Variants in CERT1 observed in about 807,000 individuals in gnomAD.
CERT1 encodes the protein ceramide transporter 1, also known as ceramide transfer protein.
CERT1 carries 31 observed loss-of-function variants against 87.9 expected under a neutral mutation model. The ratio of observed to expected loss-of-function variants is 0.35; its 90% confidence interval spans 0.27 to 0.48. The LOEUF is 0.48. CERT1 is among the 20% of genes least tolerant of loss of function. The pLI, the probability that CERT1 is intolerant of heterozygous loss-of-function variation, is 0.99. For missense variants in CERT1, 487 were observed against 758.0 expected, an observed-to-expected ratio of 0.64 and a Z score of 4.20; for synonymous variants, 289 against 250.9, an observed-to-expected ratio of 1.15 and a Z score of -1.44.
intron 2 of CERT1, among the ~76,000 whole-genome samples, chr5:75,463,342 A>G (rs570642074): frequency 3.9e-5 from 6 of 152,236 alleles, no homozygotes; most frequent in East Asian, 1.9e-4. Context: ...GGGGCCATAA[A>G]CCATTGTTTT....
intron 9 of CERT1, 126 bp downstream of exon 9, chr5:75,402,844 TCA>T (rs943519130): frequency 3.5e-6 from 2 of 573,194 alleles, no homozygotes; most frequent in African/African-American, 1.9e-5. Context: ...CTCAATGTAT[TCA>T]CAGTTAAGCT....
intron 2 of CERT1, among the ~76,000 whole-genome samples, chr5:75,462,745 A>G (rs776972347): frequency 1.3e-4 from 20 of 152,182 alleles, no homozygotes; most frequent in Non-Finnish European, 2.9e-4. Context: ...CTGTAATCCC[A>G]GCACTTTGGG....
At chr5:75,469,264 GA>G (rs1445384000) in intron 2 of CERT1, among the ~76,000 whole-genome samples, 1 of 151,922 alleles carries the variant, frequency 6.6e-6, no homozygotes, top group Admixed American at 6.6e-5. Context: ...ATATGGTCAG[GA>G]AAAAAAGAAG....
At chr5:75,493,217 A>G (rs1277600803) in intron 2 of CERT1, among the ~76,000 whole-genome samples, 1 of 152,234 alleles carries the variant, frequency 6.6e-6, no homozygotes, top group Admixed American at 6.5e-5. Flanking sequence ...TTTGCCTTCA[A>G]CAATTATTAA....
At chr5:75,438,728 AT>A (rs1764193224) in intron 3 of CERT1, among the ~76,000 whole-genome samples, 2 of 152,122 alleles carry the variant, frequency 1.3e-5, no homozygotes, top group South Asian at 4.1e-4. Flanking sequence ...CCTCATACAA[AT>A]TTTTTGCAAA....
chr5:75,374,577 T>C (rs1761216059), downstream of CERT1: 3 of 707,432 alleles, frequency 4.2e-6, no homozygotes, highest in Admixed American at 3.5e-5. Context: ...CATTAAGAAA[T>C]TCGTCATTTG....
At chr5:75,449,937 A>G (rs1468831876) in intron 3 of CERT1, among the ~76,000 whole-genome samples, 3 of 152,050 alleles carry the variant, frequency 2.0e-5, no homozygotes, top group African/African-American at 4.8e-5. Context: ...TTGACATAAT[A>G]TCTTGTTAAG....
chr5:75,399,227 C>T (rs1330920886), intron 11 of CERT1, 83 bp downstream of exon 11: 4 of 1,066,328 alleles, frequency 3.8e-6, no homozygotes, highest in Non-Finnish European at 5.8e-6. Context: ...AGTGGCCTAA[C>T]CAAAAGATTT....
At chr5:75,447,285 G>A (rs906005262) in intron 3 of CERT1, among the ~76,000 whole-genome samples, 2 of 151,874 alleles carry the variant, frequency 1.3e-5, no homozygotes, top group Non-Finnish European at 2.9e-5. Context: ...GTCTAGGTGG[G>A]GAGACAGATT....
chr5:75,426,552 A>G, intron 3 of CERT1, 74 bp from the exon 4 acceptor site: 1 of 1,053,072 alleles, frequency 9.5e-7, no homozygotes, highest in Non-Finnish European at 1.4e-6. Flanking sequence ...TTTCCTATGA[A>G]TTAACAAGGT....
chr5:75,402,977 C>T lies in CERT1; in HGVS notation c.1012G>A (p.Glu338Lys). The stretch of plus-strand genomic sequence containing the variant: ...ATTTTCAATAATAGATATACCTGTT[C>T]TTCTATTTTATCTTGTCTGTCAAGA... ...AALDRQDKIEEQSQSEKVRLH... is the reference protein window; with the variant it reads ...AALDRQDKIEKQSQSEKVRLH... Residue 338 changes from glutamate (E) to lysine (K), a missense_variant, in exon 9 of 17, where the codon GAA (glutamate) becomes AAA (lysine). Glu to Lys is a moderately conservative substitution (Grantham distance 56). Coordinates refer to ENST00000643780, the MANE Select transcript of CERT1 (RefSeq NM_001379029.1). 1 of 1,598,944 alleles carries T rather than the reference C, an allele frequency of 6.3e-7. No homozygotes were observed. The highest frequency in any genetic ancestry group is 8.6e-7 in the Non-Finnish European group (1 of 1,167,022).
chr5:75,473,799 T>C (rs1041123754), intron 2 of CERT1, among the ~76,000 whole-genome samples: 1 of 152,232 alleles, frequency 6.6e-6, no homozygotes, highest in African/African-American at 2.4e-5. Context: ...CATTTCACAA[T>C]GTATATATAC....
chr5:75,434,538 T>C (rs1764008307), intron 3 of CERT1, among the ~76,000 whole-genome samples: 1 of 152,114 alleles, frequency 6.6e-6, no homozygotes, highest in Non-Finnish European at 1.5e-5. Context: ...TCCTTAATTT[T>C]TTCCGGAATA....
In CERT1 at chr5:75,384,662, T is replaced by C. The variant is rs760315258; in HGVS notation, c.1468A>G (p.Ile490Val). Residue 490 changes from isoleucine (I) to valine (V), a missense_variant, in exon 14 of 17, where the codon ATC becomes GTC. Physicochemically the swap from Ile to Val is conservative, Grantham distance 29 (BLOSUM62 3). This residue lies in a region of CERT1 where 147 missense variants were observed against 200.8 expected (regional missense o/e 0.73). Transcript: ENST00000643780. ...TTTACCTTGTGTGTTTGATAAATGA[T>C]GATTGCATTATCAGCTAATGTTTCC... Reference protein sequence around the residue: ...VVETLADNAIIIYQTHKRVWP... With the variant: ...VVETLADNAIVIYQTHKRVWP... The C allele has an allele frequency of 6.2e-7, 1 of 1,606,154 alleles. No homozygotes were observed. The highest frequency in any genetic ancestry group is 8.5e-7 in the Non-Finnish European group (1 of 1,173,156).
At chr5:75,434,887 G>C (rs1175553878) in intron 3 of CERT1, among the ~76,000 whole-genome samples, 2 of 151,806 alleles carry the variant, frequency 1.3e-5, no homozygotes, top group African/African-American at 4.8e-5. Context: ...TTTTTCATTA[G>C]TAGTCTAGCT....
At chr5:75,431,580 T>G (rs924822401) in intron 3 of CERT1, among the ~76,000 whole-genome samples, 2 of 152,200 alleles carry the variant, frequency 1.3e-5, no homozygotes, top group Non-Finnish European at 2.9e-5. Context: ...AGAGCTAATG[T>G]TGGACATAAA....
intron 3 of CERT1, among the ~76,000 whole-genome samples, chr5:75,447,862 A>C (rs954669215): frequency 6.6e-6 from 1 of 151,640 alleles, no homozygotes; most frequent in East Asian, 1.9e-4. Context: ...TGTAGCCTCA[A>C]ACTCCAGGCT....
chr5:75,411,245 A>AT, intron 7 of CERT1, 142 bp from the exon 8 acceptor site: 1 of 586,976 alleles, frequency 1.7e-6, no homozygotes, highest in Non-Finnish European at 3.0e-6. Flanking sequence ...AAATAAGAGT[A>AT]TTATTCTGCC....
intron 11 of CERT1, among the ~76,000 whole-genome samples, chr5:75,392,333 C>T (rs1017356688): frequency 6.6e-6 from 1 of 152,094 alleles, no homozygotes; most frequent in Admixed American, 6.6e-5. Context: ...AATGGAAAAC[C>T]GGTTTTCAAA....
Sources: gnomAD v4.1 joint callset for allele counts (sites outside exome capture counted in the v4.1 genomes callset) on GRCh38, gnomAD v4.1.1 for gene constraint, gnomAD v4.1.1 regional missense constraint, MANE v1.5 for transcripts, NCBI Gene and HGNC (gene_info 2026-07-23, HGNC 2026-07-21) for gene names.